NEGR1: variants seen among roughly 807,000 people sequenced by gnomAD.
NEGR1 encodes the protein neuronal growth regulator 1.
NEGR1 carries 10 observed loss-of-function variants against 40.9 expected under a neutral mutation model. The ratio of observed to expected loss-of-function variants is 0.24; its 90% CI spans 0.15 to 0.42. The LOEUF is 0.42. Ranked by LOEUF, NEGR1 falls within the 10% of genes least tolerant of loss-of-function variation. NEGR1 has a pLI of 1.00. For missense variants in NEGR1, 352 were observed against 438.9 expected (o/e 0.80, Z 1.77); for synonymous variants, 185 against 166.8 (o/e 1.11, Z -0.84).
intron 2 of NEGR1, among the ~76,000 whole-genome samples, chr1:71,925,947 T>C (rs1035911988): frequency 2.1e-5 from 3 of 144,274 alleles, no homozygotes; most frequent in Non-Finnish European, 4.4e-5. Context: ...ATTTTCTTTG[T>C]TTTTTTTAAG....
intron 3 of NEGR1, among the ~76,000 whole-genome samples, chr1:71,719,344 A>C (rs1202672488): frequency 6.6e-6 from 1 of 152,210 alleles, no homozygotes. Context: ...AATTAAATGA[A>C]AGAACAATAG....
intron 1 of NEGR1, among the ~76,000 whole-genome samples, chr1:72,008,998 CAAAA>C (rs75786445): frequency 7.9e-6 from 1 of 126,120 alleles, no homozygotes. Flanking sequence ...TCTCATCAGT[CAAAA>C]AAAAAAAAGA....
chr1:72,089,023 CAG>C (rs1447709930), intron 1 of NEGR1, among the ~76,000 whole-genome samples: 2 of 152,004 alleles, frequency 1.3e-5, no homozygotes. Context: ...GCAGTATTAA[CAG>C]AGCCATGCTT....
chr1:71,520,805 G>A (rs942239264), intron 6 of NEGR1, among the ~76,000 whole-genome samples: 6 of 151,984 alleles, frequency 3.9e-5, no homozygotes, highest in African/African-American at 1.2e-4. Flanking sequence ...CAATACAGGA[G>A]AGCAGATGGA....
In NEGR1 at chr1:71,405,343, A is replaced by G. The variant is rs1236608100; in HGVS notation, c.*2103T>C. On this transcript the variant is annotated 3_prime_UTR_variant, in exon 7 of 7. Transcript: ENST00000357731. ...CCAAACAATGGTACTGATGGTTAAC[A>G]TTTTTTGTGGTAGCACCACTATTTC... 1 of 152,298 alleles carries G rather than the reference A, an allele frequency of 6.6e-6. No individual in the cohort carries two copies. The highest frequency in any genetic ancestry group is 2.4e-5 in the African/African-American group (1 of 41,420). The allele number at this position is 152,298 out of a possible 1,614,324, so 9.4% of individuals were successfully genotyped here.
At chr1:71,530,472 C>G (rs1025979216) in intron 6 of NEGR1, among the ~76,000 whole-genome samples, 2 of 151,288 alleles carry the variant, frequency 1.3e-5, no homozygotes, top group African/African-American at 4.8e-5. Flanking sequence ...TAACCACATA[C>G]TCTTTAAATC....
intron 2 of NEGR1, among the ~76,000 whole-genome samples, chr1:71,866,584 T>C (rs1004668549): frequency 5.4e-4 from 82 of 152,334 alleles, no homozygotes; most frequent in African/African-American, 1.9e-3. Context: ...TATTAAATTG[T>C]TTCAGCAAAA....
chr1:71,432,108 T>C (rs1646473478), intron 6 of NEGR1, among the ~76,000 whole-genome samples: 1 of 152,170 alleles, frequency 6.6e-6, no homozygotes, highest in South Asian at 2.1e-4. Flanking sequence ...CTTTGGATTT[T>C]ATTTTTAATG....
At chr1:71,492,224 C>T in intron 6 of NEGR1, among the ~76,000 whole-genome samples, 1 of 152,038 alleles carries the variant, frequency 6.6e-6, no homozygotes, top group Admixed American at 6.6e-5. Flanking sequence ...ATCTAAAATG[C>T]AAGTAAGAGT....
chr1:71,677,221 A>G (rs1652670384), intron 4 of NEGR1, among the ~76,000 whole-genome samples: 1 of 152,018 alleles, frequency 6.6e-6, no homozygotes, highest in African/African-American at 2.4e-5. Context: ...TCCATCCTCC[A>G]TGATTCATTG....
chr1:71,942,455 C>CTCTATATATA (rs1553123457), intron 1 of NEGR1, among the ~76,000 whole-genome samples: 1 of 21,298 alleles, frequency 4.7e-5, no homozygotes, highest in Non-Finnish European at 8.1e-5. Flanking sequence ...TTCTTTAAAT[C>CTCTATATATA]TATATATATA....
chr1:71,410,590 A>AT (rs1255316526), intron 6 of NEGR1, among the ~76,000 whole-genome samples: 3 of 152,170 alleles, frequency 2.0e-5, no homozygotes, highest in African/African-American at 4.8e-5. Context: ...AAATACAATT[A>AT]TTTTTTACAA....
intron 1 of NEGR1, among the ~76,000 whole-genome samples, chr1:72,081,461 A>T (rs1380315809): frequency 6.6e-6 from 1 of 152,100 alleles, no homozygotes; most frequent in Admixed American, 6.6e-5. Context: ...GATGACTTTC[A>T]GTTACAGCTC....
Position 71,588,827 on chromosome 1 carries a change from T to C in NEGR1, c.940+3990A>G, listed in dbSNP as rs567400654. On this transcript the variant is annotated intron_variant, in intron 6 of 6. Transcript: ENST00000357731. ...AACAGAAAACATTGCAAGTTCACTA[T>C]AGTATAGTTCATCAAATGTTAGGGT... 6.6e-5 allele frequency among the ~76,000 whole-genome samples: 10 copies of C among 152,274 alleles called. No homozygotes were observed. The East Asian group carries it at 1.9e-3, about 29-fold the overall frequency.
intron 1 of NEGR1, among the ~76,000 whole-genome samples, chr1:71,998,874 C>A (rs1383964183): frequency 6.6e-6 from 1 of 151,658 alleles, no homozygotes; most frequent in South Asian, 2.1e-4. Context: ...TATATAGTTA[C>A]ATATACTATA....
chr1:71,434,941 A>AAAT (rs1557524913), intron 6 of NEGR1, among the ~76,000 whole-genome samples: 1 of 152,108 alleles, frequency 6.6e-6, no homozygotes, highest in Non-Finnish European at 1.5e-5. Flanking sequence ...AATACAAAAA[A>AAAT]TTAGCCCGGC....
chr1:72,171,580 G>A (rs1312271847), intron 1 of NEGR1, among the ~76,000 whole-genome samples: 3 of 152,218 alleles, frequency 2.0e-5, no homozygotes, highest in South Asian at 4.2e-4. Flanking sequence ...TACTTTAAAT[G>A]ATTTCCTTCC....
intron 1 of NEGR1, among the ~76,000 whole-genome samples, chr1:72,185,242 G>C (rs6668604): frequency 1.3e-5 from 2 of 151,480 alleles, no homozygotes; most frequent in East Asian, 1.9e-4. Context: ...TATTAAAGAA[G>C]AGACCATAAT....
intron 6 of NEGR1, among the ~76,000 whole-genome samples, chr1:71,494,276 G>A (rs1646947874): frequency 1.3e-5 from 2 of 152,164 alleles, no homozygotes; most frequent in African/African-American, 4.8e-5. Flanking sequence ...TTTGTGAGTG[G>A]TAGGAGACTA....
Sources: allele counts gnomAD v4.1 joint callset (sites outside exome capture counted in the v4.1 genomes callset), GRCh38; gene constraint gnomAD v4.1.1; transcripts MANE v1.5; gene names NCBI Gene and HGNC (gene_info 2026-07-23, HGNC 2026-07-21).